Variants in SLC24A3 observed in about 807,000 individuals in gnomAD.
SLC24A3 encodes the protein sodium/potassium/calcium exchanger 3.
In SLC24A3, 28 loss-of-function variants were observed where a neutral mutation model predicts 75.8. That is an observed-to-expected ratio of 0.37 (90% CI 0.27 to 0.51). The LOEUF (loss-of-function observed/expected upper bound fraction) is 0.51. Ranked by LOEUF, SLC24A3 falls within the 20% of genes least tolerant of loss-of-function variation. The pLI, the probability that SLC24A3 is intolerant of heterozygous loss-of-function variation, is 0.94. For missense variants in SLC24A3, 663 were observed against 847.8 expected (o/e 0.78, Z 2.71); for synonymous variants, 372 against 334.1 (o/e 1.11, Z -1.24).
chr20:19,368,085 GGTGTGTATGAATGTGAGTGTGT>G (rs1376175061), intron 2 of SLC24A3, among the ~76,000 whole-genome samples: 1 of 152,072 alleles, frequency 6.6e-6, no homozygotes, highest in Admixed American at 6.5e-5. Flanking sequence ...GGGCTGTGAG[GGTGTGTATGAATGTGAGTGTGT>G]GTGTGTGTGT....
intron 7 of SLC24A3, among the ~76,000 whole-genome samples, chr20:19,658,807 C>A (rs186772350): frequency 1.3e-5 from 2 of 152,290 alleles, no homozygotes; most frequent in African/African-American, 2.4e-5. Context: ...ATTCACCCAA[C>A]AGCCAGGTGC....
chr20:19,504,509 C>T (rs1988433532), intron 2 of SLC24A3, among the ~76,000 whole-genome samples: 1 of 152,146 alleles, frequency 6.6e-6, no homozygotes, highest in Non-Finnish European at 1.5e-5. Context: ...AAAAGTTTTT[C>T]ATGCAATCTC....
At chr20:19,455,267 G>A (rs1987559112) in intron 2 of SLC24A3, among the ~76,000 whole-genome samples, 1 of 152,162 alleles carries the variant, frequency 6.6e-6, no homozygotes, top group Non-Finnish European at 1.5e-5. Flanking sequence ...CATAGACCCT[G>A]ATATAGTGTT....
chr20:19,364,037 C>T (rs1985841550), intron 2 of SLC24A3, among the ~76,000 whole-genome samples: 1 of 152,072 alleles, frequency 6.6e-6, no homozygotes, highest in South Asian at 2.1e-4. Context: ...TGACCTTGCC[C>T]CTGGCCAGCA....
chr20:19,596,278 C>T (rs1055611422), intron 6 of SLC24A3, among the ~76,000 whole-genome samples: 1 of 152,114 alleles, frequency 6.6e-6, no homozygotes, highest in Non-Finnish European at 1.5e-5. Flanking sequence ...GAAGTGGTTG[C>T]TGTCTTTAGA....
rs1036545454 is a variant in SLC24A3, at chr20:19,595,155, C to T, written c.612+9611C>T. Among the ~76,000 whole-genome samples, 4 of 152,162 alleles carry T rather than the reference C, an allele frequency of 2.6e-5. No individual in the cohort carries two copies. The South Asian group carries it at 8.3e-4, about 32-fold the overall frequency. ...GGGCAACAGGAAGAGGCATATTCAT[C>T]GACCATCCCCAACCCTGGCAACAGT... On this transcript the variant is annotated intron_variant, in intron 6 of 16. Transcript: ENST00000328041.
intron 2 of SLC24A3, among the ~76,000 whole-genome samples, chr20:19,304,007 G>A (rs1028284179): frequency 1.3e-5 from 2 of 152,132 alleles, no homozygotes; most frequent in Non-Finnish European, 2.9e-5. Flanking sequence ...TCCTAGCTTC[G>A]AGGATCCAAA....
chr20:19,342,889 T>C (rs1164874608), intron 2 of SLC24A3, among the ~76,000 whole-genome samples: 2 of 151,742 alleles, frequency 1.3e-5, no homozygotes, highest in African/African-American at 2.4e-5. Context: ...GCTAACATGG[T>C]GAAACCCCGT....
intron 2 of SLC24A3, among the ~76,000 whole-genome samples, chr20:19,381,830 A>G (rs1478209860): frequency 1.3e-5 from 2 of 152,102 alleles, no homozygotes; most frequent in South Asian, 2.1e-4. Context: ...TCTTCTGACA[A>G]TTTTCCAGGT....
intron 2 of SLC24A3, among the ~76,000 whole-genome samples, chr20:19,340,911 T>C (rs1568594313): frequency 6.6e-6 from 1 of 152,222 alleles, no homozygotes; most frequent in African/African-American, 2.4e-5. Flanking sequence ...GAAGGAGGTC[T>C]CATTGGGCCC....
chr20:19,497,485 T>C (rs533093015), intron 2 of SLC24A3, among the ~76,000 whole-genome samples: 50 of 152,336 alleles, frequency 3.3e-4, no homozygotes, highest in African/African-American at 1.2e-3. Flanking sequence ...TGGGCTCTAA[T>C]GTACTGTGAA....
intron 1 of SLC24A3, among the ~76,000 whole-genome samples, chr20:19,242,805 G>C (rs1184389093): frequency 6.6e-6 from 1 of 152,252 alleles, no homozygotes; most frequent in East Asian, 1.9e-4. Flanking sequence ...GAGAGAAGTC[G>C]ATTGAACCTA....
chr20:19,609,790 T>G (rs537748736), intron 6 of SLC24A3, among the ~76,000 whole-genome samples: 102 of 152,348 alleles, frequency 6.7e-4, no homozygotes, highest in African/African-American at 2.3e-3. Context: ...TTATTAAGTT[T>G]AAATAATGGG....
intron 1 of SLC24A3, among the ~76,000 whole-genome samples, chr20:19,231,016 G>A (rs1372998864): frequency 1.3e-5 from 2 of 152,088 alleles, no homozygotes; most frequent in Non-Finnish European, 2.9e-5. Context: ...GTATTTTTTA[G>A]GCTTACACCT....
chr20:19,585,118 T>G, intron 5 of SLC24A3, 63 bp downstream of exon 5: 3 of 1,446,990 alleles, frequency 2.1e-6, no homozygotes, highest in Non-Finnish European at 2.9e-6. Flanking sequence ...GCTCTGGGAA[T>G]GGATGGCCCC....
At chr20:19,279,074 C>G (rs1983577223) in intron 1 of SLC24A3, among the ~76,000 whole-genome samples, 2 of 152,236 alleles carry the variant, frequency 1.3e-5, no homozygotes, top group South Asian at 4.1e-4. Flanking sequence ...TGTCCACACT[C>G]TCCTTCTTTC....
chr20:19,611,415 A>T (rs1271055953), intron 6 of SLC24A3, among the ~76,000 whole-genome samples: 2 of 152,178 alleles, frequency 1.3e-5, no homozygotes, highest in South Asian at 2.1e-4. Flanking sequence ...CTCAACCAGG[A>T]TTCTTGATCC....
At chr20:19,544,793 G>A (rs2030560091) in intron 3 of SLC24A3, among the ~76,000 whole-genome samples, 1 of 152,170 alleles carries the variant, frequency 6.6e-6, no homozygotes, top group South Asian at 2.1e-4. Flanking sequence ...TGACAACCCA[G>A]ATGGGACAGA....
At chr20:19,318,776 G>C (rs1984640701) in intron 2 of SLC24A3, among the ~76,000 whole-genome samples, 1 of 152,156 alleles carries the variant, frequency 6.6e-6, no homozygotes, top group South Asian at 2.1e-4. Context: ...AAGAGAGGCT[G>C]ATGGGGGTGG....
Sources: allele counts gnomAD v4.1 joint callset (sites outside exome capture counted in the v4.1 genomes callset), GRCh38; gene constraint gnomAD v4.1.1; transcripts MANE v1.5; gene names NCBI Gene and HGNC (gene_info 2026-07-23, HGNC 2026-07-21).